The following DLGAP2 variants were observed in gnomAD, a reference collection of about 807,000 sequenced individuals.
DLGAP2 encodes the protein disks large-associated protein 2.
A neutral mutation model predicts 100.3 loss-of-function variants in DLGAP2; 26 were observed. That is an observed-to-expected ratio of 0.26 (90% CI 0.19 to 0.36). The LOEUF (loss-of-function observed/expected upper bound fraction) is 0.36. Among genes scored for constraint, DLGAP2 ranks in the 10% least tolerant of loss-of-function variants. The probability of loss-of-function intolerance (pLI) is 1.00; values close to 1 mark genes in which losing one functional copy is unlikely to be tolerated. For missense variants in DLGAP2, 1,858 were observed against 1,453.2 expected (o/e 1.28, Z -4.53); for synonymous variants, 886 against 630.1 (o/e 1.41, Z -6.08).
intron 8 of DLGAP2, among the ~76,000 whole-genome samples, chr8:1,645,088 G>T (rs1207231704): frequency 6.6e-6 from 1 of 152,230 alleles, no homozygotes; most frequent in East Asian, 1.9e-4. Flanking sequence ...GCAAGACCAT[G>T]TCTCTAATGA....
chr8:1,674,646 C>CTAA (rs1798767832), intron 10 of DLGAP2, among the ~76,000 whole-genome samples: 2 of 152,020 alleles, frequency 1.3e-5, no homozygotes, highest in African/African-American at 4.8e-5. Context: ...GCAATATCTA[C>CTAA]CAAAATTATA....
In DLGAP2 at chr8:1,281,385, C is replaced by T. The variant is rs1585219376; in HGVS notation, c.106+22502C>T. On this transcript the variant is annotated intron_variant, in intron 3 of 14. Coordinates refer to ENST00000637795, the MANE Select transcript of DLGAP2 (RefSeq NM_001346810.2). ...CTGTCATCATGACCTTGATTTGATTCCTAGTCCCTTAGGCGCCCCCAGTGG... is the reference window on the plus strand; with the variant it reads ...CTGTCATCATGACCTTGATTTGATTTCTAGTCCCTTAGGCGCCCCCAGTGG... 2.0e-5 allele frequency among the ~76,000 whole-genome samples: 3 copies of T among 152,166 alleles called. No individual in the cohort carries two copies. The South Asian group carries it at 6.2e-4, about 32-fold the overall frequency.
At chr8:1,240,339 A>G (rs1328045922) in intron 2 of DLGAP2, among the ~76,000 whole-genome samples, 3 of 131,586 alleles carry the variant, frequency 2.3e-5, no homozygotes, top group African/African-American at 8.5e-5. Context: ...TCTCTCACAC[A>G]TAACGTCATG....
chr8:1,520,167 A>G (rs754893096), intron 4 of DLGAP2, among the ~76,000 whole-genome samples: 2 of 152,290 alleles, frequency 1.3e-5, no homozygotes, highest in Non-Finnish European at 2.9e-5. Context: ...ATCTGACGAG[A>G]TCAATGGTTC....
chr8:772,485 G>A (rs899307897), intron 1 of DLGAP2, among the ~76,000 whole-genome samples: 2 of 152,020 alleles, frequency 1.3e-5, no homozygotes, highest in Non-Finnish European at 2.9e-5. Context: ...ACCGTGTCTG[G>A]CTAATTTTTG....
intron 1 of DLGAP2, chr8:893,081 C>A (rs1798069314): frequency 6.6e-6 from 1 of 152,192 alleles, no homozygotes; most frequent in African/African-American, 2.4e-5. Context: ...TTGCCTTTTA[C>A]AAGATGACCT....
chr8:1,439,044 G>A (rs770807946), intron 3 of DLGAP2, among the ~76,000 whole-genome samples: 11 of 152,236 alleles, frequency 7.2e-5, no homozygotes, highest in African/African-American at 2.7e-4. Context: ...CAAAGCTTCA[G>A]TGTAGAGTCA....
chr8:968,567 T>C (rs1342898573), intron 2 of DLGAP2, among the ~76,000 whole-genome samples: 3 of 152,194 alleles, frequency 2.0e-5, no homozygotes, highest in African/African-American at 7.2e-5. Context: ...TAGCCTCCCC[T>C]GGTGGCGGCC....
chr8:1,172,463 A>G (rs975124943), intron 2 of DLGAP2, among the ~76,000 whole-genome samples: 23 of 152,194 alleles, frequency 1.5e-4, no homozygotes, highest in African/African-American at 4.6e-4. Context: ...CTCCTGGATA[A>G]TATCCTGCAG....
chr8:1,537,903 G>C (rs1251653507), intron 4 of DLGAP2, among the ~76,000 whole-genome samples: 1 of 152,236 alleles, frequency 6.6e-6, no homozygotes, highest in Admixed American at 6.5e-5. Context: ...GATGCTCATA[G>C]GAGAAGAAAG....
chr8:1,629,871 T>TG (rs1470589388), intron 7 of DLGAP2, among the ~76,000 whole-genome samples: 2 of 152,182 alleles, frequency 1.3e-5, no homozygotes, highest in African/African-American at 2.4e-5. Flanking sequence ...TCGTCCTGTT[T>TG]GGGGGTAAAT....
At chr8:1,205,275 G>T (rs1198305535) in intron 2 of DLGAP2, among the ~76,000 whole-genome samples, 1 of 152,230 alleles carries the variant, frequency 6.6e-6, no homozygotes, top group Non-Finnish European at 1.5e-5. Flanking sequence ...TGTCGAGGAG[G>T]TGTGTCCAAC....
At chr8:1,431,736 G>C (rs549887019) in intron 3 of DLGAP2, among the ~76,000 whole-genome samples, 50 of 149,350 alleles carry the variant, frequency 3.3e-4, no homozygotes, top group African/African-American at 1.2e-3. Context: ...CTATTGGGCA[G>C]CTTACTCAGC....
intron 2 of DLGAP2, among the ~76,000 whole-genome samples, chr8:1,133,017 A>G (rs1018492569): frequency 3.3e-5 from 5 of 152,152 alleles, no homozygotes; most frequent in African/African-American, 1.2e-4. Context: ...ACTTCCCCCT[A>G]ATCTGGGGTC....
chr8:1,387,100 G>T (rs1454969636), intron 3 of DLGAP2, among the ~76,000 whole-genome samples: 1 of 152,176 alleles, frequency 6.6e-6, no homozygotes, highest in Admixed American at 6.5e-5. Flanking sequence ...GAAAAGCTCA[G>T]GTATCATATA....
chr8:956,644 C>G (rs776832995), intron 2 of DLGAP2, among the ~76,000 whole-genome samples: 1 of 152,236 alleles, frequency 6.6e-6, no homozygotes, highest in South Asian at 2.1e-4. Context: ...TTCCTACACC[C>G]ACATTCCATT....
intron 2 of DLGAP2, among the ~76,000 whole-genome samples, chr8:1,164,654 G>T (rs1179278591): frequency 6.6e-6 from 1 of 152,200 alleles, no homozygotes; most frequent in Admixed American, 6.5e-5. Flanking sequence ...TGTCTCTAAG[G>T]CCCTTGCCTG....
intron 1 of DLGAP2, among the ~76,000 whole-genome samples, chr8:770,784 T>C (rs1821335771): frequency 6.6e-6 from 1 of 152,134 alleles, no homozygotes; most frequent in Admixed American, 6.5e-5. Flanking sequence ...CATCACACAG[T>C]TATATACTGA....
intron 2 of DLGAP2, among the ~76,000 whole-genome samples, chr8:973,896 C>T (rs1478459374): frequency 2.6e-4 from 37 of 143,396 alleles, no homozygotes; most frequent in Middle Eastern, 3.5e-3. Flanking sequence ...CCTCCGCCAC[C>T]GCCGCCACCG....
Sources: gnomAD v4.1 joint callset for allele counts (sites outside exome capture counted in the v4.1 genomes callset) on GRCh38, gnomAD v4.1.1 for gene constraint, MANE v1.5 for transcripts, NCBI Gene and HGNC (gene_info 2026-07-23, HGNC 2026-07-21) for gene names.